Variants in SLC4A3 observed in about 807,000 individuals in gnomAD.
SLC4A3 encodes anion exchange protein 3.
In SLC4A3, 47 loss-of-function variants were observed where a neutral mutation model predicts 114.2. The observed-to-expected ratio is 0.41, with a 90% CI of 0.33 to 0.52. The LOEUF is 0.52. SLC4A3 is among the 20% of genes least tolerant of loss of function. The pLI is 0.21. For synonymous variants in SLC4A3, 693 were observed against 710.3 expected (o/e 0.98, Z 0.39); for missense variants, 1,312 against 1,668.3 (o/e 0.79, Z 3.72).
rs200405778 is a variant in SLC4A3 at position 219,636,789 on chromosome 2, G to T, written c.2450G>T (p.Arg817Leu). The change falls in exon 16 of 23, where the codon CGC becomes CTC. Residue 817 changes from arginine (R) to leucine (L), a missense_variant. By Grantham distance (102) the Arg-to-Leu change is moderately radical (BLOSUM62 -2). This residue lies in a region of SLC4A3 where 771 missense variants were observed against 977.7 expected (regional missense o/e 0.79). Coordinates refer to ENST00000358055, the MANE Select transcript of SLC4A3 (RefSeq NM_005070.4). This position sits in a 1 kb window ranked among gnomAD's most constrained non-coding sequence, Gnocchi z 5.5. Reference sequence around the variant, plus strand: ...GCCGCCGAAGGCAGCTTCCTGGTCCGCTACATCTCGCCTTTCACCCAGGAG... The same window carrying T: ...GCCGCCGAAGGCAGCTTCCTGGTCCTCTACATCTCGCCTTTCACCCAGGAG... ...LVAAEGSFLV[R>L]YISPFTQEIF... 2 of 1,614,042 alleles carry T rather than the reference G, an allele frequency of 1.2e-6. No homozygotes were observed. The highest frequency in any genetic ancestry group is 2.2e-5 in the East Asian group (1 of 44,872).
chr2:219,629,948 C>CA, intron 5 of SLC4A3: 1 of 967,310 alleles, frequency 1.0e-6, no homozygotes, highest in Non-Finnish European at 1.5e-6. Flanking sequence ...GAGAGAGTGA[C>CA]AGAGTAGAGA....
rs1469598409 is a variant in SLC4A3 at position 219,640,451 on chromosome 2, C to T, written c.3299C>T (p.Ala1100Val). 1.9e-6 allele frequency: 3 copies of T among 1,613,780 alleles called. No homozygotes were observed. The highest frequency in any genetic ancestry group is 2.5e-6 in the Non-Finnish European group (3 of 1,179,788). Residue 1100 changes from alanine (A) to valine (V), a missense_variant, in exon 21 of 23, where the codon GCT becomes GTT. Transcript: ENST00000358055. ...CCAGGCCTGTCCATCGTCATGGGGG[C>T]TGTGCTGCGTCGGATCCCATTGGCT... ...SLVGLSIVMG[A>V]VLRRIPLAVL... is the part of the protein sequence containing the mutation.
At position 219,628,398 on chromosome 2, in the gene SLC4A3, C is replaced by A. The variant is rs1383930515; in HGVS notation, c.52-7C>A. 1.2e-6 allele frequency: 2 copies of A among 1,606,434 alleles called. No homozygotes were observed. Among genetic ancestry groups the A allele is most frequent in the Non-Finnish European group, 1.7e-6 (2 of 1,177,276 alleles). ...GGGTCCTTAGCAGAGGCCGTCTGGG[C>A]CTGCAGGTCCGGGTGCCCTTGGAGG... On this transcript the variant is annotated splice_polypyrimidine_tract_variant and splice_region_variant and intron_variant, in intron 2 of 22. Coordinates refer to ENST00000358055, the MANE Select transcript of SLC4A3 (RefSeq NM_005070.4). This position sits in a 1 kb window ranked among gnomAD's most constrained non-coding sequence, Gnocchi z 4.8.
chr2:219,629,466 G>C, intron 4 of SLC4A3, 45 bp downstream of exon 4: 1 of 1,604,918 alleles, frequency 6.2e-7, no homozygotes, highest in Non-Finnish European at 8.5e-7. Flanking sequence ...GGGTCAGGGA[G>C]GGGTACAGAG....
At position 219,637,365 on chromosome 2, in the gene SLC4A3, ATG is replaced by A. The variant is rs1181370907; in HGVS notation, c.2536-212_2536-211del. Reference sequence around the variant, plus strand: ...GTATGTTGTGTTTTTTTTGTGTTGTATGTGTTATGTGTGTGTTGTTACGTGTT... The same window carrying A: ...GTATGTTGTGTTTTTTTTGTGTTGTATGTTATGTGTGTGTTGTTACGTGTT... On this transcript the variant is annotated intron_variant, in intron 16 of 22. Coordinates refer to ENST00000358055, the MANE Select transcript of SLC4A3 (RefSeq NM_005070.4). The surrounding 1 kb of genome is among the most constrained non-coding windows in gnomAD (Gnocchi z 4.6). 6.8e-6 allele frequency among the ~76,000 whole-genome samples: 1 copy of A among 147,732 alleles called. No homozygotes were observed. Among genetic ancestry groups the A allele is most frequent in the Non-Finnish European group, 1.5e-5 (1 of 66,846 alleles).
At chr2:219,634,126 C>T in intron 11 of SLC4A3, 147 bp downstream of exon 11, 1 of 1,009,118 alleles carries the variant, frequency 9.9e-7, no homozygotes. Flanking sequence ...CACAACCTGT[C>T]TTAGCCCAGC....
In SLC4A3 at chr2:219,638,286, C is replaced by A; in HGVS notation, c.2856+33C>A. On this transcript the variant is annotated intron_variant, in intron 18 of 22. Transcript: ENST00000358055. This position sits in a 1 kb window ranked among gnomAD's most constrained non-coding sequence, Gnocchi z 7.5. ...AGCCCCAGCCTGTGGCAGCTGCTGT[C>A]ACCCCCAGGCCAGGAGAGGGAGCCC... 6.6e-7 allele frequency: 1 copy of A among 1,510,486 alleles called. No homozygotes were observed. Among genetic ancestry groups the A allele is most frequent in the Non-Finnish European group, 9.2e-7 (1 of 1,091,906 alleles). 93.6% of individuals were successfully genotyped at this position (1,510,486 alleles called of 1,614,324 possible).
Position 219,641,953 on chromosome 2 carries a change from C to T in SLC4A3, c.*225C>T, listed in dbSNP as rs939764130. 3.7e-5 allele frequency: 18 copies of T among 490,748 alleles called. No homozygotes were observed. The Admixed American group carries it at 3.9e-4, about 11-fold the overall frequency. The allele number at this position is 490,748 out of a possible 1,614,324, so 30.4% of individuals were successfully genotyped here. A position where few individuals can be genotyped will look rare whatever the true frequency, so the allele number is the denominator to read the frequency against. On this transcript the variant is annotated 3_prime_UTR_variant, in exon 23 of 23. Coordinates refer to ENST00000358055, the MANE Select transcript of SLC4A3 (RefSeq NM_005070.4). This position sits in a 1 kb window ranked among gnomAD's most constrained non-coding sequence, Gnocchi z 4.0. ...GGCACAGGCTTTGAGCTCATTATAA[C>T]CACACTCCTTGTCTCGTGTCTGCCT...
Position 219,637,487 on chromosome 2 carries a change from A to G in SLC4A3, c.2536-94A>G. On this transcript the variant is annotated intron_variant, in intron 16 of 22. Transcript: ENST00000358055. The surrounding 1 kb of genome is among the most constrained non-coding windows in gnomAD (Gnocchi z 4.6). ...ATTACTGTTGTCTGACCAGGTATTG[A>G]GGGGCCACCCTCTCTCTCACAGGTG... The G allele has an allele frequency of 7.2e-6, 5 of 693,500 alleles. No individual in the cohort carries two copies. The South Asian group carries it at 9.0e-5, about 13-fold the overall frequency. The allele number at this position is 693,500 out of a possible 1,614,324, so 43.0% of individuals were successfully genotyped here. A position where few individuals can be genotyped will look rare whatever the true frequency, so the allele number is the denominator to read the frequency against.
chr2:219,627,771 C>T, intron 1 of SLC4A3, 26 bp downstream of exon 1: 1 of 357,226 alleles, frequency 2.8e-6, no homozygotes, highest in Non-Finnish European at 5.0e-6. Context: ...GCACGCCGGG[C>T]AGGGCGGGGG....
chr2:219,638,252 A>T lies in SLC4A3; in HGVS notation c.2855A>T (p.Gln952Leu), dbSNP rs1699199734. Residue 952 changes from glutamine to leucine, a missense_variant and splice_region_variant, in exon 18 of 23, where the codon CAG (glutamine) becomes CTG (leucine). Physicochemically the swap from Gln to Leu is moderately radical, Grantham distance 113. This residue lies in a region of SLC4A3 where 301 missense variants were observed against 460.7 expected (regional missense o/e 0.65). Coordinates refer to ENST00000358055, the MANE Select transcript of SLC4A3 (RefSeq NM_005070.4). This position sits in a 1 kb window ranked among gnomAD's most constrained non-coding sequence, Gnocchi z 7.5. ...TACTCCATCACAGACACCTACACGCAGGTGAGGGAGCCCCAGCCTGTGGCA... is the reference window on the plus strand; with the variant it reads ...TACTCCATCACAGACACCTACACGCTGGTGAGGGAGCCCCAGCCTGTGGCA... ...VDYSITDTYT[Q>L]KLTVPTGLSV... is the part of the protein sequence containing the mutation. 1.2e-6 allele frequency: 2 copies of T among 1,607,950 alleles called. No homozygotes were observed. Among genetic ancestry groups the T allele is most frequent in the Non-Finnish European group, 1.7e-6 (2 of 1,176,394 alleles).
chr2:219,637,637 G>T lies in SLC4A3; in HGVS notation c.2592G>T (p.Gly864=), dbSNP rs1242339314. The T allele has an allele frequency of 1.2e-6, 2 of 1,613,040 alleles. No homozygotes were observed. The highest frequency in any genetic ancestry group is 1.7e-6 in the Non-Finnish European group (2 of 1,179,298). ...PFYPPEGALE[G]SLDAGLEPNG... ...ACCCCCCTGAGGGGGCCCTGGAGGG[G>T]TCCCTGGATGCTGGTCTGGAGCCAA... is the stretch of plus-strand genomic sequence containing the variant. Residue 864 remains glycine, a synonymous_variant, in exon 17 of 23, where the codon GGG becomes GGT. Coordinates refer to ENST00000358055, the MANE Select transcript of SLC4A3 (RefSeq NM_005070.4). The surrounding 1 kb of genome is among the most constrained non-coding windows in gnomAD (Gnocchi z 4.6).
At position 219,637,935 on chromosome 2, in the gene SLC4A3, C is replaced by A; in HGVS notation, c.2766+124C>A. 2 of 791,084 alleles carry A rather than the reference C, an allele frequency of 2.5e-6. No individual in the cohort carries two copies. Among genetic ancestry groups the A allele is most frequent in the Non-Finnish European group, 4.2e-6 (2 of 475,290 alleles). 49.0% of individuals were successfully genotyped at this position (791,084 alleles called of 1,614,324 possible). A position where few individuals can be genotyped will look rare whatever the true frequency, so the allele number is the denominator to read the frequency against. Reference sequence around the variant, plus strand: ...CCAAAACCCAGCTCGGGCAGCCCCTCACCCCTTCGGAAGCCTCTTCCCTGG... The same window carrying A: ...CCAAAACCCAGCTCGGGCAGCCCCTAACCCCTTCGGAAGCCTCTTCCCTGG... On this transcript the variant is annotated intron_variant, in intron 17 of 22. Transcript: ENST00000358055. This position sits in a 1 kb window ranked among gnomAD's most constrained non-coding sequence, Gnocchi z 4.6.
At position 219,631,326 on chromosome 2, in the gene SLC4A3, G is replaced by C. The variant is rs1698912694; in HGVS notation, c.812-642G>C. 7.7e-7 allele frequency: 1 copy of C among 1,304,058 alleles called. No homozygotes were observed. Among genetic ancestry groups the C allele is most frequent in the Non-Finnish European group, 1.0e-6 (1 of 988,874 alleles). 80.8% of individuals were successfully genotyped at this position (1,304,058 alleles called of 1,614,324 possible). ...TACCAATAGCTGGGGCTTTGGGAGGGATCCAGCCCCCAGTCCTCGAGACTC... is the reference window on the plus strand; with the variant it reads ...TACCAATAGCTGGGGCTTTGGGAGGCATCCAGCCCCCAGTCCTCGAGACTC... On this transcript the variant is annotated intron_variant, in intron 6 of 22. Transcript: ENST00000358055. The surrounding 1 kb of genome is among the most constrained non-coding windows in gnomAD (Gnocchi z 6.3).
At chr2:219,640,228 C>CA (rs1268985278) in intron 20 of SLC4A3, among the ~76,000 whole-genome samples, 1 of 116,848 alleles carries the variant, frequency 8.6e-6, no homozygotes, top group South Asian at 3.9e-4. Context: ...TGTGTCTGCC[C>CA]CCCCCCCCGC....
At chr2:219,640,279 G>T in intron 20 of SLC4A3, 151 bp from the exon 21 acceptor site, 1 of 511,588 alleles carries the variant, frequency 2.0e-6, no homozygotes, top group Non-Finnish European at 3.2e-6. Flanking sequence ...CAAGTTGATT[G>T]GTCCAGTGGG....
In SLC4A3 at chr2:219,628,146, C is replaced by T; in HGVS notation, c.51+103C>T. 1.0e-6 allele frequency: 1 copy of T among 987,500 alleles called. No homozygotes were observed. Among genetic ancestry groups the T allele is most frequent in the Non-Finnish European group, 1.4e-6 (1 of 690,970 alleles). 61.2% of individuals were successfully genotyped at this position (987,500 alleles called of 1,614,324 possible). The stretch of plus-strand genomic sequence containing the variant: ...TGGCCGACCCCGGGACCCCCCAGAT[C>T]CAGGGATGAGCTGGGCTGGGGGTTA... On this transcript the variant is annotated intron_variant, in intron 2 of 22. Transcript: ENST00000358055. This position sits in a 1 kb window ranked among gnomAD's most constrained non-coding sequence, Gnocchi z 4.8.
intron 8 of SLC4A3, 94 bp downstream of exon 8, chr2:219,632,536 A>G: frequency 2.2e-6 from 3 of 1,383,908 alleles, no homozygotes; most frequent in South Asian, 3.0e-5. Context: ...AGTCCTGGGC[A>G]CAGGCAAGAT....
rs780258999 is a variant in SLC4A3, at chr2:219,640,462, C to T, written c.3310C>T (p.Arg1104Trp). 2.5e-6 allele frequency: 4 copies of T among 1,613,888 alleles called. No individual in the cohort carries two copies. Among genetic ancestry groups the T allele is most frequent in the Non-Finnish European group, 3.4e-6 (4 of 1,179,942 alleles). The change falls in exon 21 of 23, where the codon CGG (arginine) becomes TGG (tryptophan). Residue 1104 changes from arginine (R) to tryptophan (W), a missense_variant. Physicochemically the swap from Arg to Trp is moderately radical, Grantham distance 101. Around this residue, in one of 4 missense-constraint regions of SLC4A3, gnomAD observed 301 missense variants for 460.7 expected, o/e 0.65. Transcript: ENST00000358055. ...LSIVMGAVLR[R>W]IPLAVLFGIF... ...CATCGTCATGGGGGCTGTGCTGCGT[C>T]GGATCCCATTGGCTGTGCTCTTTGG...
Sources: allele counts gnomAD v4.1 joint callset (sites outside exome capture counted in the v4.1 genomes callset), GRCh38; gene constraint gnomAD v4.1.1; regional missense constraint gnomAD v4.1.1; non-coding constraint Gnocchi (gnomAD v3.1); transcripts MANE v1.5; gene names NCBI Gene and HGNC (gene_info 2026-07-23, HGNC 2026-07-21).